NIPAL2: variants seen among roughly 807,000 people sequenced by gnomAD.
NIPAL2 encodes the protein NIPA-like protein 2.
In NIPAL2, 43 loss-of-function variants were observed where a neutral mutation model predicts 48.9. The ratio of observed to expected loss-of-function variants is 0.88; its 90% CI spans 0.69 to 1.13. NIPAL2 has a LOEUF of 1.13. Among genes scored for constraint, NIPAL2 ranks in the 50% most tolerant of loss-of-function variants. NIPAL2 has a pLI of 0.00. For synonymous variants in NIPAL2, 167 were observed against 174.6 expected, an observed-to-expected ratio of 0.96 and a Z score of 0.34; for missense variants, 446 against 461.4, an observed-to-expected ratio of 0.97 and a Z score of 0.31.
At chr8:98,258,894 G>A (rs558298940) in intron 1 of NIPAL2, among the ~76,000 whole-genome samples, 11 of 151,466 alleles carry the variant, frequency 7.3e-5, no homozygotes, top group South Asian at 4.2e-4. Context: ...TTAATTAAGC[G>A]CCTTTAAATT....
At chr8:98,292,115 C>A (rs1346768471) in intron 1 of NIPAL2, among the ~76,000 whole-genome samples, 1 of 152,204 alleles carries the variant, frequency 6.6e-6, no homozygotes, top group Non-Finnish European at 1.5e-5. Context: ...AAATAAGCAT[C>A]ATTAAGCTGT....
intron 1 of NIPAL2, among the ~76,000 whole-genome samples, chr8:98,254,888 C>T (rs1276794535): frequency 2.0e-5 from 3 of 152,234 alleles, no homozygotes; most frequent in Non-Finnish European, 4.4e-5. Flanking sequence ...AACCAAACCT[C>T]GCCCTCCTGG....
intron 1 of NIPAL2, among the ~76,000 whole-genome samples, chr8:98,266,161 T>C (rs1041180196): frequency 1.7e-4 from 24 of 142,818 alleles, no homozygotes; most frequent in East Asian, 6.7e-4. Flanking sequence ...AGGGATAGCA[T>C]TGGGAGATAT....
At chr8:98,196,983 C>T (rs1441460809) in intron 8 of NIPAL2, among the ~76,000 whole-genome samples, 2 of 152,148 alleles carry the variant, frequency 1.3e-5, no homozygotes, top group Non-Finnish European at 2.9e-5. Context: ...TTACATACTT[C>T]CTTATAATCA....
chr8:98,244,061 C>T (rs1303161828), intron 3 of NIPAL2, among the ~76,000 whole-genome samples: 1 of 151,978 alleles, frequency 6.6e-6, no homozygotes, highest in Admixed American at 6.6e-5. Context: ...AAAGCTAAGA[C>T]AATCAATTAA....
At chr8:98,280,759 T>TAGAG (rs765271866) in intron 1 of NIPAL2, among the ~76,000 whole-genome samples, 707 of 31,208 alleles carry the variant, frequency 0.023, 2 homozygotes, top group Middle Eastern at 0.083. Context: ...TATATATATA[T>TAGAG]ATAGAGAGAG....
At chr8:98,261,470 AC>A (rs1315341089) in intron 1 of NIPAL2, among the ~76,000 whole-genome samples, 2 of 147,560 alleles carry the variant, frequency 1.4e-5, no homozygotes, top group Non-Finnish European at 3.0e-5. Context: ...CTCGAGAACT[AC>A]GTGAAGAATG....
chr8:98,246,215 C>G (rs1019148110), intron 3 of NIPAL2, among the ~76,000 whole-genome samples: 11 of 152,214 alleles, frequency 7.2e-5, no homozygotes, highest in African/African-American at 2.7e-4. Flanking sequence ...GGCTTCCTGG[C>G]TCTGCTATGA....
At chr8:98,269,717 G>T (rs530058278) in intron 1 of NIPAL2, among the ~76,000 whole-genome samples, 1 of 152,134 alleles carries the variant, frequency 6.6e-6, no homozygotes, top group East Asian at 1.9e-4. Flanking sequence ...AGATTCAGGG[G>T]GTACATGTGC....
At chr8:98,249,503 CAT>C (rs963373435) in intron 3 of NIPAL2, among the ~76,000 whole-genome samples, 5 of 150,908 alleles carry the variant, frequency 3.3e-5, no homozygotes, top group Non-Finnish European at 5.9e-5. Flanking sequence ...ACATACATGT[CAT>C]ATATGTCATA....
At chr8:98,198,519 G>T (rs954424034) in intron 8 of NIPAL2, among the ~76,000 whole-genome samples, 1 of 152,202 alleles carries the variant, frequency 6.6e-6, no homozygotes, top group Non-Finnish European at 1.5e-5. Flanking sequence ...GTCCTAGATG[G>T]TGTCTTCTTC....
intron 4 of NIPAL2, among the ~76,000 whole-genome samples, chr8:98,228,049 GTTC>G (rs1238326565): frequency 8.5e-5 from 13 of 152,220 alleles, no homozygotes; most frequent in African/African-American, 2.7e-4. Flanking sequence ...TAATCACTGT[GTTC>G]TTCTTCCCCG....
intron 1 of NIPAL2, among the ~76,000 whole-genome samples, chr8:98,274,512 TCTC>T (rs1815347063): frequency 6.6e-6 from 1 of 152,184 alleles, no homozygotes; most frequent in Admixed American, 6.5e-5. Flanking sequence ...GATTATTTTA[TCTC>T]CTCAGTTAAT....
intron 8 of NIPAL2, among the ~76,000 whole-genome samples, chr8:98,198,189 G>A (rs1051517213): frequency 6.6e-6 from 1 of 152,178 alleles, no homozygotes; most frequent in African/African-American, 2.4e-5. Context: ...GAGCTCTTGG[G>A]TGATCAGGTT....
chr8:98,289,879 G>A (rs1816401525), intron 1 of NIPAL2, among the ~76,000 whole-genome samples: 1 of 152,166 alleles, frequency 6.6e-6, no homozygotes, highest in African/African-American at 2.4e-5. Context: ...GCAGCTACTA[G>A]TAGAAAAGAG....
chr8:98,226,321 A>T (rs544808190), intron 4 of NIPAL2, among the ~76,000 whole-genome samples: 3 of 152,152 alleles, frequency 2.0e-5, no homozygotes, highest in East Asian at 3.9e-4. Flanking sequence ...TATTTATTGT[A>T]GTCTTTGCAG....
intron 3 of NIPAL2, among the ~76,000 whole-genome samples, chr8:98,239,282 A>G (rs1261317166): frequency 6.6e-6 from 1 of 152,216 alleles, no homozygotes; most frequent in East Asian, 1.9e-4. Context: ...ACACATTTAC[A>G]TTACAGCAGA....
In NIPAL2 at chr8:98,192,879, A is replaced by G; in HGVS notation, c.*99T>C. 1 of 742,944 alleles carries G rather than the reference A, an allele frequency of 1.3e-6. No homozygotes were observed. Among genetic ancestry groups the G allele is most frequent in the South Asian group, 1.5e-5 (1 of 66,848 alleles). The allele number at this position is 742,944 out of a possible 1,614,324, so 46.0% of individuals were successfully genotyped here. The stretch of plus-strand genomic sequence containing the variant: ...AAAGGACTGAAATGAATGCTAGCAC[A>G]TGTTAGCTTATAAAAGAGCTGCTGA... On this transcript the variant is annotated 3_prime_UTR_variant, in exon 11 of 11. Transcript: ENST00000430223.
At chr8:98,214,963 G>T (rs551612444) in intron 5 of NIPAL2, among the ~76,000 whole-genome samples, 2 of 152,252 alleles carry the variant, frequency 1.3e-5, no homozygotes, top group African/African-American at 4.8e-5. Flanking sequence ...TTCACCAATT[G>T]TTAACAGAAA....
Sources: allele counts gnomAD v4.1 joint callset (sites outside exome capture counted in the v4.1 genomes callset), GRCh38; gene constraint gnomAD v4.1.1; transcripts MANE v1.5; gene names NCBI Gene and HGNC (gene_info 2026-07-23, HGNC 2026-07-21).